The following AOPEP variants were observed in gnomAD, a reference collection of about 807,000 sequenced individuals.
The protein encoded by AOPEP is aminopeptidase O (putative).
Under a neutral mutation model 98.1 loss-of-function variants are expected in AOPEP, and 77 were observed. The ratio of observed to expected loss-of-function variants is 0.78; its 90% CI spans 0.65 to 0.95. The LOEUF (loss-of-function observed/expected upper bound fraction) is 0.95, where lower values mean the gene tolerates loss of function less well. Among genes scored for constraint, AOPEP ranks in the 40% least tolerant of loss-of-function variants. The probability of loss-of-function intolerance (pLI) is 0.00; values close to 1 mark genes in which losing one functional copy is unlikely to be tolerated. For synonymous variants in AOPEP, 346 were observed against 365.3 expected (o/e 0.95, Z 0.60); for missense variants, 1,024 against 1,024.7 (o/e 1.00, Z 0.01).
At position 94,930,673 on chromosome 9, in the gene AOPEP, G is replaced by A. The variant is rs913186921; in HGVS notation, c.1661+2142G>A. 6.6e-6 allele frequency among the ~76,000 whole-genome samples: 1 copy of A among 152,066 alleles called. No homozygotes were observed. The highest frequency in any genetic ancestry group is 2.4e-5 in the African/African-American group (1 of 41,398). ...CCAGAAAAGAAGCTGAGGCAAGCAG[G>A]TGGGAGTGGCTGATGTTGGAAGCTG... On this transcript the variant is annotated intron_variant, in intron 7 of 16. Coordinates refer to ENST00000375315, the MANE Select transcript of AOPEP (RefSeq NM_001193329.3). This position sits in a 1 kb window ranked among gnomAD's most constrained non-coding sequence, Gnocchi z 4.5.
At chr9:94,807,620 A>C (rs776353549) in intron 5 of AOPEP, among the ~76,000 whole-genome samples, 2 of 152,204 alleles carry the variant, frequency 1.3e-5, no homozygotes, top group Non-Finnish European at 2.9e-5. Flanking sequence ...TTACCGAAGC[A>C]TCATTACTGA....
At chr9:94,777,095 A>T (rs1158580490) in intron 3 of AOPEP, among the ~76,000 whole-genome samples, 1 of 151,986 alleles carries the variant, frequency 6.6e-6, no homozygotes, top group East Asian at 1.9e-4. Flanking sequence ...TTGAAGGAAA[A>T]TTTTTTAAAA....
At chr9:94,968,160 G>A (rs1231155780) in intron 10 of AOPEP, among the ~76,000 whole-genome samples, 1 of 152,176 alleles carries the variant, frequency 6.6e-6, no homozygotes, top group African/African-American at 2.4e-5. Flanking sequence ...AGGAAATACT[G>A]TTTAATTAAA....
intron 11 of AOPEP, among the ~76,000 whole-genome samples, chr9:94,984,067 T>C (rs2060364535): frequency 6.6e-6 from 1 of 150,796 alleles, no homozygotes; most frequent in African/African-American, 2.4e-5. Flanking sequence ...GGAATCTCGC[T>C]CTGTTACCCA....
At chr9:94,761,111 C>T (rs2132487332) in intron 2 of AOPEP, among the ~76,000 whole-genome samples, 1 of 140,892 alleles carries the variant, frequency 7.1e-6, no homozygotes, top group South Asian at 2.1e-4. Flanking sequence ...TGTAACGTGA[C>T]CCCCCCCAAA....
At chr9:94,805,710 A>G (rs749043229) in intron 5 of AOPEP, among the ~76,000 whole-genome samples, 3 of 152,004 alleles carry the variant, frequency 2.0e-5, no homozygotes, top group Non-Finnish European at 4.4e-5. Context: ...TGCATGCACA[A>G]TTTTCTTAAG....
chr9:95,146,788 T>G, the AOPEP span, among the ~76,000 whole-genome samples: 8 of 151,864 alleles, frequency 5.3e-5, no homozygotes, highest in African/African-American at 1.9e-4. Flanking sequence ...TGCAACAATT[T>G]TCAAAGTGGG....
chr9:94,843,141 G>C (rs2042468896), intron 5 of AOPEP, among the ~76,000 whole-genome samples: 1 of 152,108 alleles, frequency 6.6e-6, no homozygotes, highest in Admixed American at 6.5e-5. Flanking sequence ...AGACCTTTTA[G>C]TATTGGTTCA....
At chr9:95,030,467 G>A (rs188246418) in intron 13 of AOPEP, among the ~76,000 whole-genome samples, 5 of 152,294 alleles carry the variant, frequency 3.3e-5, no homozygotes, top group East Asian at 3.9e-4. Flanking sequence ...GTAGTCCTGG[G>A]GATATGTATA....
chr9:94,982,701 C>T (rs2060266504), intron 11 of AOPEP, among the ~76,000 whole-genome samples: 2 of 151,716 alleles, frequency 1.3e-5, no homozygotes, highest in South Asian at 2.1e-4. Flanking sequence ...AGAGCTGCAC[C>T]GCTTCCTGAT....
chr9:95,042,139 C>T (rs899366046), intron 13 of AOPEP, among the ~76,000 whole-genome samples: 2 of 152,120 alleles, frequency 1.3e-5, no homozygotes, highest in South Asian at 4.2e-4. Context: ...GGTGAAACCC[C>T]ATCTCCACTA....
At chr9:94,985,402 G>A (rs2060458674) in intron 11 of AOPEP, among the ~76,000 whole-genome samples, 1 of 152,244 alleles carries the variant, frequency 6.6e-6, no homozygotes, top group Non-Finnish European at 1.5e-5. Flanking sequence ...TGATAAGACA[G>A]TATGCAGGAG....
intron 5 of AOPEP, among the ~76,000 whole-genome samples, chr9:94,833,031 G>A (rs568957986): frequency 6.6e-6 from 1 of 151,836 alleles, no homozygotes; most frequent in East Asian, 1.9e-4. Flanking sequence ...CGCCTCCTGG[G>A]TTCAAGCGAT....
intron 5 of AOPEP, among the ~76,000 whole-genome samples, chr9:94,882,176 T>C (rs1257871080): frequency 6.6e-6 from 1 of 152,230 alleles, no homozygotes; most frequent in Non-Finnish European, 1.5e-5. Flanking sequence ...TTTTTCGTCA[T>C]CTTTAAAGGG....
chr9:95,126,706 T>G, the AOPEP span: 16 of 955,410 alleles, frequency 1.7e-5, no homozygotes, highest in Non-Finnish European at 2.6e-5. Context: ...CTCCTTTTGG[T>G]TAGAAGAACG....
intron 5 of AOPEP, among the ~76,000 whole-genome samples, chr9:94,835,409 G>T (rs1276964560): frequency 6.6e-6 from 1 of 152,132 alleles, no homozygotes. Flanking sequence ...CTTTTATTCT[G>T]CATATCACTA....
chr9:94,879,638 G>C (rs2047346608), intron 5 of AOPEP, among the ~76,000 whole-genome samples: 1 of 152,180 alleles, frequency 6.6e-6, no homozygotes, highest in East Asian at 1.9e-4. Context: ...GACTCGATTT[G>C]ACCAGAAAAC....
rs2065096186 is a variant in AOPEP, at chr9:95,039,361, A to G, written c.2116-21333A>G. ...GCGGGCAGATCACTTGAGCCCAGCA[A>G]TTTGAGACAAGCCTGGGCAACATGG... On this transcript the variant is annotated intron_variant, in intron 13 of 16. Transcript: ENST00000375315. 2.0e-5 allele frequency among the ~76,000 whole-genome samples: 3 copies of G among 152,276 alleles called. No individual in the cohort carries two copies. In the South Asian group the frequency reaches 6.2e-4, roughly 32 times the overall value.
chr9:94,774,968 C>G (rs59037181), intron 3 of AOPEP, among the ~76,000 whole-genome samples: 1 of 152,062 alleles, frequency 6.6e-6, no homozygotes, highest in South Asian at 2.1e-4. Context: ...TTCCTTTGCC[C>G]ATTTTTTATA....
Sources: gnomAD v4.1 joint callset for allele counts (sites outside exome capture counted in the v4.1 genomes callset) on GRCh38, gnomAD v4.1.1 for gene constraint, Gnocchi (gnomAD v3.1) non-coding constraint, MANE v1.5 for transcripts, NCBI Gene and HGNC (gene_info 2026-07-23, HGNC 2026-07-21) for gene names.